GRID1: variants seen among roughly 807,000 people sequenced by gnomAD.
The protein encoded by GRID1 is glutamate ionotropic receptor delta type subunit 1.
Under a neutral mutation model 98.0 loss-of-function variants are expected in GRID1, and 28 were observed. The observed-to-expected ratio is 0.29, with a 90% CI of 0.21 to 0.39. The LOEUF (loss-of-function observed/expected upper bound fraction) is 0.39. Ranked by LOEUF, GRID1 falls within the 10% of genes least tolerant of loss-of-function variation. The probability of loss-of-function intolerance (pLI) is 1.00; values close to 1 mark genes in which losing one functional copy is unlikely to be tolerated. For synonymous variants in GRID1, 553 were observed against 538.5 expected, an observed-to-expected ratio of 1.03 and a Z score of -0.37; for missense variants, 1,111 against 1,340.5, an observed-to-expected ratio of 0.83 and a Z score of 2.67.
At chr10:85,679,245 A>T (rs1255975842) in intron 12 of GRID1, among the ~76,000 whole-genome samples, 2 of 152,198 alleles carry the variant, frequency 1.3e-5, no homozygotes, top group Non-Finnish European at 2.9e-5. Context: ...CAGGCTTCTG[A>T]CCAAGCTCCC....
At chr10:85,914,170 C>G (rs1841578397) in intron 5 of GRID1, among the ~76,000 whole-genome samples, 1 of 152,150 alleles carries the variant, frequency 6.6e-6, no homozygotes, top group African/African-American at 2.4e-5. Flanking sequence ...TAACGCCAGC[C>G]CTGAAGAGTG....
chr10:85,775,976 A>C (rs977156593), intron 8 of GRID1, among the ~76,000 whole-genome samples: 1 of 152,166 alleles, frequency 6.6e-6, no homozygotes, highest in Non-Finnish European at 1.5e-5. Context: ...AACAGATTTA[A>C]CCTAATGAAT....
At chr10:85,881,263 GAAA>G (rs879373009) in intron 5 of GRID1, among the ~76,000 whole-genome samples, 1 of 151,992 alleles carries the variant, frequency 6.6e-6, no homozygotes, top group South Asian at 2.1e-4. Context: ...CACAGAATTG[GAAA>G]AAACTACTTT....
intron 4 of GRID1, among the ~76,000 whole-genome samples, chr10:86,061,501 C>A (rs1235444770): frequency 6.6e-6 from 1 of 152,214 alleles, no homozygotes; most frequent in Non-Finnish European, 1.5e-5. Context: ...TCCTGCTCAC[C>A]ACTGCCAGGT....
In GRID1 at chr10:85,601,072, G is replaced by T. The variant is rs1201164980; in HGVS notation, c.*1201C>A. On this transcript the variant is annotated 3_prime_UTR_variant, in exon 16 of 16. Coordinates refer to ENST00000327946, the MANE Select transcript of GRID1 (RefSeq NM_017551.3). ...CAAGCAACTTCCCTGGTGGATGGGA[G>T]TTACACTTATGCTTCTCACCTAAGG... 1 of 152,256 alleles carries T rather than the reference G, an allele frequency of 6.6e-6. No homozygotes were observed. Among genetic ancestry groups the T allele is most frequent in the African/African-American group, 2.4e-5 (1 of 41,450 alleles). The allele number at this position is 152,256 out of a possible 1,614,324, so 9.4% of individuals were successfully genotyped here.
intron 8 of GRID1, among the ~76,000 whole-genome samples, chr10:85,764,336 C>T (rs1425889688): frequency 1.3e-5 from 2 of 152,214 alleles, no homozygotes; most frequent in Admixed American, 6.5e-5. Context: ...CAAATGAACT[C>T]ACCACAGGGC....
Position 85,718,843 on chromosome 10 carries a change from T to G in GRID1, c.1997+4160A>C, listed in dbSNP as rs530466437. Among the ~76,000 whole-genome samples the G allele has an allele frequency of 2.0e-5, 3 of 152,356 alleles. No individual in the cohort carries two copies. The East Asian group carries it at 5.8e-4, about 29-fold the overall frequency. ...TTAACAGTAGGCTCCTTGCTACTTG[T>G]GCAAATTTCTGCAGCTGGCTTGAAT... On this transcript the variant is annotated intron_variant, in intron 12 of 15. Transcript: ENST00000327946.
intron 5 of GRID1, among the ~76,000 whole-genome samples, chr10:85,882,333 T>C (rs1467234565): frequency 6.6e-6 from 1 of 150,850 alleles, no homozygotes; most frequent in Non-Finnish European, 1.5e-5. Context: ...CGTATGTTTA[T>C]TTTGGCACTA....
At chr10:86,137,286 T>C (rs1045084173) in intron 4 of GRID1, among the ~76,000 whole-genome samples, 3 of 152,230 alleles carry the variant, frequency 2.0e-5, no homozygotes, top group African/African-American at 7.2e-5. Context: ...CCTTCATCCC[T>C]TTTAACAGAT....
intron 4 of GRID1, among the ~76,000 whole-genome samples, chr10:86,047,042 G>C (rs1381419188): frequency 6.6e-6 from 1 of 152,168 alleles, no homozygotes; most frequent in Admixed American, 6.5e-5. Context: ...TCAGTACCAT[G>C]TTCTCTGAGC....
intron 2 of GRID1, among the ~76,000 whole-genome samples, chr10:86,253,299 A>G (rs895216892): frequency 1.3e-5 from 2 of 152,346 alleles, no homozygotes; most frequent in South Asian, 4.1e-4. Flanking sequence ...TGTTTTCCCC[A>G]CAGGCACCAG....
At chr10:86,113,830 C>T (rs1034379336) in intron 4 of GRID1, among the ~76,000 whole-genome samples, 5 of 152,166 alleles carry the variant, frequency 3.3e-5, no homozygotes, top group African/African-American at 1.2e-4. Flanking sequence ...AGTAAAATTG[C>T]CGTGTAGCCC....
chr10:85,759,236 C>T (rs949727723), intron 8 of GRID1, among the ~76,000 whole-genome samples: 1 of 152,178 alleles, frequency 6.6e-6, no homozygotes, highest in African/African-American at 2.4e-5. Flanking sequence ...TCACTGAGGG[C>T]CTTTCCCTCT....
chr10:86,039,362 C>A (rs1843314790), intron 4 of GRID1, among the ~76,000 whole-genome samples: 1 of 152,190 alleles, frequency 6.6e-6, no homozygotes, highest in Admixed American at 6.5e-5. Flanking sequence ...AGCTCCTCTT[C>A]ACCCTTCAAA....
intron 4 of GRID1, among the ~76,000 whole-genome samples, chr10:85,971,284 T>A (rs900572875): frequency 6.6e-6 from 1 of 152,144 alleles, no homozygotes; most frequent in Admixed American, 6.5e-5. Flanking sequence ...AATGTAGGCA[T>A]AGATTTTTAA....
intron 2 of GRID1, among the ~76,000 whole-genome samples, chr10:86,334,056 C>T (rs1848189349): frequency 6.6e-6 from 1 of 152,048 alleles, no homozygotes; most frequent in South Asian, 2.1e-4. Flanking sequence ...CAGGGGAAGC[C>T]CCTCACCTCC....
intron 13 of GRID1, among the ~76,000 whole-genome samples, chr10:85,625,867 C>T (rs1322946191): frequency 2.6e-5 from 4 of 152,204 alleles, no homozygotes; most frequent in Admixed American, 6.5e-5. Context: ...AATGAGATGG[C>T]ATTGCCTTTT....
At chr10:86,126,262 T>C (rs1249776787) in intron 4 of GRID1, among the ~76,000 whole-genome samples, 1 of 151,998 alleles carries the variant, frequency 6.6e-6, no homozygotes, top group Non-Finnish European at 1.5e-5. Flanking sequence ...AAGATCAGCC[T>C]GGCCAAGATA....
At chr10:86,258,343 G>A (rs1241314571) in intron 2 of GRID1, among the ~76,000 whole-genome samples, 1 of 152,112 alleles carries the variant, frequency 6.6e-6, no homozygotes, top group African/African-American at 2.4e-5. Context: ...AACAAAATTG[G>A]TATTGCCAAG....
Sources: allele counts gnomAD v4.1 joint callset (sites outside exome capture counted in the v4.1 genomes callset), GRCh38; gene constraint gnomAD v4.1.1; transcripts MANE v1.5; gene names NCBI Gene and HGNC (gene_info 2026-07-23, HGNC 2026-07-21).